The following LAMC1 variants were observed in gnomAD, a reference collection of about 807,000 sequenced individuals.
The protein encoded by LAMC1 is laminin subunit gamma 1, also known as laminin subunit gamma-1.
A neutral mutation model predicts 173.6 loss-of-function variants in LAMC1; 38 were observed. The ratio of observed to expected loss-of-function variants is 0.22; its 90% CI spans 0.17 to 0.29. The LOEUF is 0.29. LAMC1 is among the 10% of genes least tolerant of loss of function. LAMC1 has a pLI of 1.00. For synonymous variants in LAMC1, 746 were observed against 749.1 expected, an observed-to-expected ratio of 1.00 and a Z score of 0.07; for missense variants, 1,824 against 2,051.8, an observed-to-expected ratio of 0.89 and a Z score of 2.14.
intron 21 of LAMC1, among the ~76,000 whole-genome samples, chr1:183,133,080 T>C (rs911947524): frequency 7.9e-5 from 12 of 151,982 alleles, no homozygotes; most frequent in Admixed American, 1.3e-4. Flanking sequence ...CCAGCTAATT[T>C]TTGTATTTTC....
intron 1 of LAMC1, among the ~76,000 whole-genome samples, chr1:183,061,367 G>T (rs200756535): frequency 3.4e-5 from 5 of 148,504 alleles, no homozygotes; most frequent in African/African-American, 9.8e-5. Flanking sequence ...TTTGGTTGGT[G>T]TTTTTTTTTT....
rs138929290 is a variant in LAMC1 at position 183,127,679 on chromosome 1, T to C, written c.3123+275T>C. Reference sequence around the variant, plus strand: ...AGAATTCATCTAAGGTGAGATCTGATGGATACAAAGGAATGAGCCGAGTGA... The same window carrying C: ...AGAATTCATCTAAGGTGAGATCTGACGGATACAAAGGAATGAGCCGAGTGA... On this transcript the variant is annotated intron_variant, in intron 17 of 27. Coordinates refer to ENST00000258341, the MANE Select transcript of LAMC1 (RefSeq NM_002293.4). 7.0e-4 allele frequency among the ~76,000 whole-genome samples: 106 copies of C among 152,336 alleles called. 1 individual carries two copies. Among genetic ancestry groups the C allele is most frequent in the Admixed American group, 2.6e-3 (40 of 15,294 alleles).
At chr1:183,083,297 A>C in intron 1 of LAMC1, among the ~76,000 whole-genome samples, 1 of 152,168 alleles carries the variant, frequency 6.6e-6, no homozygotes, top group East Asian at 1.9e-4. Context: ...TTTCTTTTGT[A>C]AAGTAAGAGT....
At chr1:183,105,278 A>G (rs1338498794) in intron 2 of LAMC1, among the ~76,000 whole-genome samples, 1 of 151,282 alleles carries the variant, frequency 6.6e-6, no homozygotes, top group Non-Finnish European at 1.5e-5. Context: ...AAAGCAGAAG[A>G]CCGAATGCCC....
chr1:183,101,652 C>T (rs755021744), intron 1 of LAMC1, among the ~76,000 whole-genome samples: 14 of 151,296 alleles, frequency 9.3e-5, no homozygotes, highest in East Asian at 5.8e-4. Context: ...CTCTTGAAGT[C>T]GGTGGGGCAG....
At chr1:183,084,600 A>G (rs771378937) in intron 1 of LAMC1, among the ~76,000 whole-genome samples, 26 of 152,210 alleles carry the variant, frequency 1.7e-4, no homozygotes, top group Non-Finnish European at 5.9e-5. Flanking sequence ...GAAGCTCTGT[A>G]AGAACTAGAA....
intron 17 of LAMC1, among the ~76,000 whole-genome samples, chr1:183,128,338 T>C (rs937762108): frequency 7.2e-5 from 11 of 152,230 alleles, no homozygotes; most frequent in African/African-American, 2.6e-4. Flanking sequence ...ACGTCTTCTC[T>C]TCAGAAGTAG....
rs1322826291 is a variant in LAMC1, at chr1:183,115,628, C to A, written c.1319C>A (p.Ala440Glu). The change falls in exon 6 of 28, where the codon GCA (alanine) becomes GAA (glutamate). Residue 440 changes from alanine (A) to glutamate (E), a missense_variant. Transcript: ENST00000258341. ...CCTGGATTCCATTCTCTCACTGAAG[C>A]AGGATGCAGGTAAAATATTTTCAAA... ...CQPGFHSLTEAGCRPCSCDPS... is the reference protein window; with the variant it reads ...CQPGFHSLTEEGCRPCSCDPS... 1 of 1,607,194 alleles carries A rather than the reference C, an allele frequency of 6.2e-7. No individual in the cohort carries two copies. The highest frequency in any genetic ancestry group is 8.5e-7 in the Non-Finnish European group (1 of 1,173,700).
rs1252980686 is a variant in LAMC1, at chr1:183,023,709, G to T, written c.-8G>T. ...GCCTTCGCCGTGACCCAGCGTGCGGGCGGCGGGATGAGAGGGAGCCATCGG... is the reference window on the plus strand; with the variant it reads ...GCCTTCGCCGTGACCCAGCGTGCGGTCGGCGGGATGAGAGGGAGCCATCGG... On this transcript the variant is annotated 5_prime_UTR_variant, in exon 1 of 28. Transcript: ENST00000258341. The T allele has an allele frequency of 8.5e-6, 10 of 1,176,516 alleles. No individual in the cohort carries two copies. Among genetic ancestry groups the T allele is most frequent in the African/African-American group, 1.6e-5 (1 of 61,790 alleles). The allele number at this position is 1,176,516 out of a possible 1,614,324, so 72.9% of individuals were successfully genotyped here. A position where few individuals can be genotyped will look rare whatever the true frequency, so the allele number is the denominator to read the frequency against.
chr1:183,054,242 C>A (rs1241786626), intron 1 of LAMC1, among the ~76,000 whole-genome samples: 2 of 152,156 alleles, frequency 1.3e-5, no homozygotes, highest in East Asian at 3.9e-4. Flanking sequence ...TTAATTTAAT[C>A]CTCAGCACAA....
chr1:183,132,093 G>A lies in LAMC1; in HGVS notation c.3567-307G>A, dbSNP rs560383451. ...GCGGGTGGATCACCTAAGGTCAGGA[G>A]TTTGAGACCAGCCTGGCCAACATGG... On this transcript the variant is annotated intron_variant, in intron 20 of 27. Transcript: ENST00000258341. 5.8e-4 allele frequency among the ~76,000 whole-genome samples: 88 copies of A among 152,346 alleles called. 1 individual carries two copies. The highest frequency in any genetic ancestry group is 1.9e-3 in the African/African-American group (79 of 41,596).
intron 1 of LAMC1, among the ~76,000 whole-genome samples, chr1:183,036,131 C>T (rs1571400709): frequency 6.9e-6 from 1 of 144,576 alleles, no homozygotes; most frequent in African/African-American, 2.6e-5. Context: ...CAGCGTCTTG[C>T]TCTATCTCCC....
intron 4 of LAMC1, among the ~76,000 whole-genome samples, chr1:183,113,687 G>A (rs1656232785): frequency 6.6e-6 from 1 of 152,108 alleles, no homozygotes; most frequent in Non-Finnish European, 1.5e-5. Context: ...GCTTTCATCT[G>A]TCGTGGCACT....
chr1:183,064,474 CAT>C (rs1234421260), intron 1 of LAMC1, among the ~76,000 whole-genome samples: 1 of 152,126 alleles, frequency 6.6e-6, no homozygotes, highest in Non-Finnish European at 1.5e-5. Flanking sequence ...CATAACCAAA[CAT>C]AAACACTTCT....
chr1:183,059,091 G>T (rs5015713), intron 1 of LAMC1, among the ~76,000 whole-genome samples: 17,831 of 152,200 alleles, frequency 0.12, 1,182 homozygotes, highest in Admixed American at 0.2. Context: ...AGCCTAGTGC[G>T]TGTGTATTTT....
At chr1:183,122,980 C>T (rs1021516373) in intron 13 of LAMC1, among the ~76,000 whole-genome samples, 3 of 152,190 alleles carry the variant, frequency 2.0e-5, no homozygotes, top group Non-Finnish European at 2.9e-5. Context: ...CCTTACACTC[C>T]GTGCTGATTT....
rs1656900825 is a variant in LAMC1, at chr1:183,135,138, A to G, written c.4096A>G (p.Ile1366Val). ...GGATACCTTACAAGAAGCTAATGACATTCTCAACAACCTGAAAGGTAGAAA... is the reference window on the plus strand; with the variant it reads ...GGATACCTTACAAGAAGCTAATGACGTTCTCAACAACCTGAAAGGTAGAAA... ...GRDTLQEANDILNNLKDFDRR... is the reference protein window; with the variant it reads ...GRDTLQEANDVLNNLKDFDRR... Residue 1366 changes from isoleucine to valine, a missense_variant, in exon 24 of 28, where the codon ATT becomes GTT. By Grantham distance (29) the Ile-to-Val change is conservative (BLOSUM62 3). Coordinates refer to ENST00000258341, the MANE Select transcript of LAMC1 (RefSeq NM_002293.4). 1 of 1,611,508 alleles carries G rather than the reference A, an allele frequency of 6.2e-7. No homozygotes were observed. Among genetic ancestry groups the G allele is most frequent in the Non-Finnish European group, 8.5e-7 (1 of 1,177,722 alleles).
At chr1:183,123,632 T>G (rs1444854435) in intron 13 of LAMC1, among the ~76,000 whole-genome samples, 1 of 152,194 alleles carries the variant, frequency 6.6e-6, no homozygotes, top group Non-Finnish European at 1.5e-5. Context: ...CAATATAAAG[T>G]AGCCCTCACC....
chr1:183,081,868 T>A (rs1301322581), intron 1 of LAMC1, among the ~76,000 whole-genome samples: 1 of 152,160 alleles, frequency 6.6e-6, no homozygotes, highest in African/African-American at 2.4e-5. Context: ...TTCAAAATAG[T>A]TTCACTGCCC....
Sources: allele counts gnomAD v4.1 joint callset (sites outside exome capture counted in the v4.1 genomes callset), GRCh38; gene constraint gnomAD v4.1.1; transcripts MANE v1.5; gene names NCBI Gene and HGNC (gene_info 2026-07-23, HGNC 2026-07-21).